Variants in EFHD1 observed in about 807,000 individuals in gnomAD.
EFHD1 encodes the protein EF-hand domain-containing protein D1.
A neutral mutation model predicts 17.2 loss-of-function variants in EFHD1; 10 were observed. The observed-to-expected ratio is 0.58, with a 90% CI of 0.36 to 0.99. The LOEUF is 0.99. Among genes scored for constraint, EFHD1 ranks in the 50% least tolerant of loss-of-function variants. The pLI, the probability that EFHD1 is intolerant of heterozygous loss-of-function variation, is 0.01. For missense variants in EFHD1, 310 were observed against 327.5 expected (o/e 0.95, Z 0.41); for synonymous variants, 153 against 142.0 (o/e 1.08, Z -0.55).
chr2:232,608,667 A>C (rs912980905), intron 1 of EFHD1, among the ~76,000 whole-genome samples: 13 of 152,182 alleles, frequency 8.5e-5, no homozygotes, highest in Non-Finnish European at 1.8e-4. Flanking sequence ...CCAGTGGCTC[A>C]CGCCTGTAAT....
intron 2 of EFHD1, among the ~76,000 whole-genome samples, chr2:232,669,772 T>C (rs1292065948): frequency 1.3e-5 from 2 of 152,092 alleles, no homozygotes; most frequent in African/African-American, 4.8e-5. Flanking sequence ...GGCTAATCTT[T>C]GTATTTTTAG....
chr2:232,664,680 C>T (rs1032611964), intron 2 of EFHD1, among the ~76,000 whole-genome samples: 3 of 123,782 alleles, frequency 2.4e-5, no homozygotes, highest in Admixed American at 1.1e-4. Context: ...GTGGTGTGAT[C>T]TCGGCTCACT....
At chr2:232,652,904 A>G (rs1434362902) in intron 1 of EFHD1, among the ~76,000 whole-genome samples, 1 of 152,162 alleles carries the variant, frequency 6.6e-6, no homozygotes, top group African/African-American at 2.4e-5. Context: ...TCTGGTGTAT[A>G]TATCCTGGCT....
intron 1 of EFHD1, among the ~76,000 whole-genome samples, chr2:232,615,135 A>T (rs1574699567): frequency 6.6e-6 from 1 of 151,988 alleles, no homozygotes. Flanking sequence ...GACTACATGC[A>T]CCCACCACCA....
At chr2:232,616,361 C>G (rs1228106352) in intron 1 of EFHD1, among the ~76,000 whole-genome samples, 1 of 152,006 alleles carries the variant, frequency 6.6e-6, no homozygotes, top group East Asian at 1.9e-4. Context: ...TGCAGTGGCA[C>G]AATCTCGGCT....
Position 232,627,057 on chromosome 2 carries a change from TATATA to T in EFHD1, c.14+20885_14+20889del, listed in dbSNP as rs1338990251. Among the ~76,000 whole-genome samples the T allele has an allele frequency of 4.3e-3, 519 of 120,760 alleles. 5 individuals are homozygous for T. Among genetic ancestry groups the T allele is most frequent in the African/African-American group, 0.015 (487 of 31,624 alleles). 79.2% of individuals were successfully genotyped at this position (120,760 alleles called of 152,430 possible). A position where few individuals can be genotyped will look rare whatever the true frequency, so the allele number is the denominator to read the frequency against. On this transcript the variant is annotated intron_variant, in intron 1 of 3. Coordinates refer to the EFHD1 transcript ENST00000409613. Reference sequence around the variant, plus strand: ...CTCTCTATATATATATATATATATATATATATATTTTTTTTTTTTTTTAATTAGCC... The same window carrying T: ...CTCTCTATATATATATATATATATATTATTTTTTTTTTTTTTTAATTAGCC...
chr2:232,681,362 C>T (rs1347074923), intron 3 of EFHD1, among the ~76,000 whole-genome samples: 1 of 152,122 alleles, frequency 6.6e-6, no homozygotes, highest in Non-Finnish European at 1.5e-5. Flanking sequence ...CACATGGGGG[C>T]ACAGCAACAA....
chr2:232,661,182 G>A (rs1170976744), intron 1 of EFHD1, among the ~76,000 whole-genome samples: 2 of 151,702 alleles, frequency 1.3e-5, no homozygotes, highest in African/African-American at 4.8e-5. Flanking sequence ...CAAAACCTCT[G>A]ACCACTTTAA....
At chr2:232,673,339 G>A (rs1695113533) in intron 3 of EFHD1, among the ~76,000 whole-genome samples, 2 of 152,210 alleles carry the variant, frequency 1.3e-5, no homozygotes, top group South Asian at 2.1e-4. Context: ...CCCGAGCTTA[G>A]CAGGACAGTT....
At chr2:232,664,363 A>G (rs1694930649) in intron 2 of EFHD1, among the ~76,000 whole-genome samples, 2 of 147,090 alleles carry the variant, frequency 1.4e-5, no homozygotes, top group South Asian at 4.3e-4. Flanking sequence ...CTGGTCTCCG[A>G]CTCAGCCTCC....
intron 3 of EFHD1, among the ~76,000 whole-genome samples, chr2:232,672,999 A>C (rs556671314): frequency 2.6e-5 from 4 of 152,200 alleles, no homozygotes; most frequent in Non-Finnish European, 5.9e-5. Context: ...CCAACCACTC[A>C]TTGCGCCTTA....
intron 2 of EFHD1, among the ~76,000 whole-genome samples, chr2:232,664,362 G>A (rs965518492): frequency 5.9e-5 from 9 of 151,416 alleles, no homozygotes; most frequent in African/African-American, 1.5e-4. Flanking sequence ...GCTGGTCTCC[G>A]ACTCAGCCTC....
intron 1 of EFHD1, among the ~76,000 whole-genome samples, chr2:232,627,064 A>ATTTTT (rs56085382): frequency 1.1e-5 from 1 of 92,236 alleles, no homozygotes; most frequent in African/African-American, 4.3e-5. Context: ...ATATATATAT[A>ATTTTT]TTTTTTTTTT....
At chr2:232,608,161 G>A (rs1462792183) in intron 1 of EFHD1, among the ~76,000 whole-genome samples, 1 of 152,082 alleles carries the variant, frequency 6.6e-6, no homozygotes, top group Non-Finnish European at 1.5e-5. Flanking sequence ...CTTGAAGTCA[G>A]GAGTTCAAGA....
At chr2:232,658,168 G>T (rs1452804594) in intron 1 of EFHD1, among the ~76,000 whole-genome samples, 1 of 151,912 alleles carries the variant, frequency 6.6e-6, no homozygotes, top group East Asian at 2.0e-4. Flanking sequence ...CTCACAAAGT[G>T]CTGGGATTAT....
chr2:232,668,695 G>A (rs775708586), intron 2 of EFHD1, among the ~76,000 whole-genome samples: 3 of 151,982 alleles, frequency 2.0e-5, no homozygotes, highest in African/African-American at 4.8e-5. Context: ...GTGCAATGGC[G>A]CGATCTCGGC....
upstream of EFHD1, among the ~76,000 whole-genome samples, chr2:232,630,792 A>AC (rs1694187223): frequency 7.6e-6 from 1 of 132,082 alleles, no homozygotes; most frequent in Admixed American, 7.9e-5. Flanking sequence ...ATTAAAAAAA[A>AC]AAAAAAAAGA....
chr2:232,631,701 A>AAC (rs1553597007), upstream of EFHD1, among the ~76,000 whole-genome samples: 79 of 140,506 alleles, frequency 5.6e-4, no homozygotes, highest in Admixed American at 9.6e-4. Flanking sequence ...TAAAAAAAAA[A>AAC]AAAAACAAAA....
chr2:232,653,183 AG>A (rs1694691034), intron 1 of EFHD1, among the ~76,000 whole-genome samples: 1 of 152,038 alleles, frequency 6.6e-6, no homozygotes, highest in African/African-American at 2.4e-5. Context: ...TATTAGAGAC[AG>A]GGTTTTGCCA....
Sources: allele counts gnomAD v4.1 joint callset (sites outside exome capture counted in the v4.1 genomes callset), GRCh38; gene constraint gnomAD v4.1.1; transcripts MANE v1.5; gene names NCBI Gene and HGNC (gene_info 2026-07-23, HGNC 2026-07-21).